Variants in SNRPA1 observed in about 807,000 individuals in gnomAD.
SNRPA1 encodes the protein U2 small nuclear ribonucleoprotein A'.
Under a neutral mutation model 32.3 loss-of-function variants are expected in SNRPA1, and 5 were observed. That is an observed-to-expected ratio of 0.15 (90% CI 0.08 to 0.33). The LOEUF (loss-of-function observed/expected upper bound fraction) is 0.33, where lower values mean the gene tolerates loss of function less well. SNRPA1 is among the 10% of genes least tolerant of loss of function. The pLI is 1.00. For missense variants in SNRPA1, 198 were observed against 311.1 expected (o/e 0.64, Z 2.74); for synonymous variants, 111 against 120.1 (o/e 0.92, Z 0.50).
chr15:101,294,775 G>A (rs569096851), intron 1 of SNRPA1: 16 of 327,114 alleles, frequency 4.9e-5, no homozygotes, highest in East Asian at 9.4e-5. Flanking sequence ...TTAATGAGCC[G>A]CTCTTCCGGG....
At chr15:101,287,877 T>TTATTTAAGAAG in intron 3 of SNRPA1, 175 bp from the exon 4 acceptor site, 1 of 582,718 alleles carries the variant, frequency 1.7e-6, no homozygotes, top group Admixed American at 2.9e-5. Flanking sequence ...TACCGATGAA[T>TTATTTAAGAAG]ACATGGGAGC....
intron 3 of SNRPA1, among the ~76,000 whole-genome samples, chr15:101,289,512 G>C (rs527552798): frequency 1.3e-5 from 2 of 152,300 alleles, no homozygotes; most frequent in Admixed American, 6.5e-5. Flanking sequence ...TGAAGAACGG[G>C]TGGGACAGAC....
At chr15:101,285,196 G>C in intron 7 of SNRPA1, 136 bp from the exon 8 acceptor site, 1 of 602,038 alleles carries the variant, frequency 1.7e-6, no homozygotes, top group Admixed American at 2.9e-5. Flanking sequence ...TGGTGTAGGG[G>C]GAAGAATGTT....
At chr15:101,284,780 G>T in intron 8 of SNRPA1, 187 bp downstream of exon 8, 2 of 487,454 alleles carry the variant, frequency 4.1e-6, no homozygotes, top group East Asian at 8.4e-5. Context: ...GGGATTACAG[G>T]CGTGAGCCAC....
chr15:101,282,707 C>T (rs1051505926), intron 8 of SNRPA1, among the ~76,000 whole-genome samples: 1 of 152,176 alleles, frequency 6.6e-6, no homozygotes, highest in African/African-American at 2.4e-5. Flanking sequence ...AACGTTGAGC[C>T]ATGTAATTAC....
chr15:101,285,706 G>T lies in SNRPA1; in HGVS notation c.615+20C>A, dbSNP rs368810054. 1.1e-4 allele frequency: 171 copies of T among 1,575,802 alleles called. No homozygotes were observed. The highest frequency in any genetic ancestry group is 8.3e-4 in the Middle Eastern group (5 of 5,990). ...CCCATCTTAGCTCATTCCAGTCCAA[G>T]AATCCTAACACATGATTACCTTGAT... is the stretch of plus-strand genomic sequence containing the variant. On this transcript the variant is annotated intron_variant, in intron 7 of 8. Coordinates refer to ENST00000254193, the MANE Select transcript of SNRPA1 (RefSeq NM_003090.4).
At chr15:101,286,852 T>C in intron 5 of SNRPA1, 56 bp downstream of exon 5, 1 of 880,696 alleles carries the variant, frequency 1.1e-6, no homozygotes, top group Non-Finnish European at 1.8e-6. Context: ...GTAACAAAAA[T>C]ATAAAGAAAA....
chr15:101,294,838 G>C, intron 1 of SNRPA1: 1 of 395,730 alleles, frequency 2.5e-6, no homozygotes, highest in Admixed American at 4.5e-5. Context: ...AGGGCCCCAC[G>C]AGGACGCACC....
intron 8 of SNRPA1, 84 bp from the exon 9 acceptor site, chr15:101,281,866 T>C (rs1596468568): frequency 7.8e-7 from 1 of 1,289,598 alleles, no homozygotes; most frequent in African/African-American, 1.5e-5. Flanking sequence ...CTGTGGCCAC[T>C]GTTTGTTACA....
chr15:101,287,738 C>T (rs751099550), intron 3 of SNRPA1, 36 bp from the exon 4 acceptor site: 1 of 1,590,858 alleles, frequency 6.3e-7, no homozygotes, highest in Non-Finnish European at 8.6e-7. Context: ...AACGCGAATA[C>T]CACACGCTAT....
chr15:101,293,078 A>G lies in SNRPA1; in HGVS notation c.177T>C (p.Gly59=). 1 of 1,612,880 alleles carries G rather than the reference A, an allele frequency of 6.2e-7. No individual in the cohort carries two copies. Among genetic ancestry groups the G allele is most frequent in the South Asian group, 1.1e-5 (1 of 90,894 alleles). Residue 59 remains glycine, a synonymous_variant, in exon 2 of 9, where the codon GGT becomes GGC. Transcript: ENST00000254193. ...FSDNEIRKLD[G]FPLLRRLKTL... is the part of the protein sequence containing the mutation. Reference sequence around the variant, plus strand: ...TTTTCAGTCTTCTCAACAAAGGAAAACCATCCAGTTTCCTGATCTCATTGT... The same window carrying G: ...TTTTCAGTCTTCTCAACAAAGGAAAGCCATCCAGTTTCCTGATCTCATTGT...
At chr15:101,286,746 TCTG>T (rs1158231026) in intron 5 of SNRPA1, 159 bp downstream of exon 5, 2 of 561,154 alleles carry the variant, frequency 3.6e-6, no homozygotes, top group African/African-American at 1.9e-5. Flanking sequence ...TATCATAAAC[TCTG>T]CTATTAGAAA....
At chr15:101,285,863 T>C in intron 6 of SNRPA1, 62 bp from the exon 7 acceptor site, 1 of 1,289,576 alleles carries the variant, frequency 7.8e-7, no homozygotes, top group Non-Finnish European at 1.1e-6. Context: ...TCTCTTTTAC[T>C]TTCAAAAGCT....
rs372355052 is a variant in SNRPA1 at position 101,294,630 on chromosome 15, A to G, written c.82+467T>C. On this transcript the variant is annotated intron_variant, in intron 1 of 8. Coordinates refer to ENST00000254193, the MANE Select transcript of SNRPA1 (RefSeq NM_003090.4). Reference sequence around the variant, plus strand: ...CTAAGTAGAAAATACTGGAGGAAACAATCGCGGTTGTTCGGGGACTTAGTT... The same window carrying G: ...CTAAGTAGAAAATACTGGAGGAAACGATCGCGGTTGTTCGGGGACTTAGTT... 7.2e-5 allele frequency among the ~76,000 whole-genome samples: 11 copies of G among 152,328 alleles called. No individual in the cohort carries two copies. In the East Asian group the frequency reaches 2.1e-3, roughly 29 times the overall value.
intron 8 of SNRPA1, among the ~76,000 whole-genome samples, chr15:101,283,198 G>C (rs1010986144): frequency 8.5e-5 from 13 of 152,102 alleles, no homozygotes; most frequent in Non-Finnish European, 1.5e-4. Flanking sequence ...ACCCACTATT[G>C]CTCCATCAGT....
Position 101,286,998 on chromosome 15 carries a change from A to G in SNRPA1, c.369T>C (p.Asn123=), listed in dbSNP as rs746659726. 1.0e-5 allele frequency: 16 copies of G among 1,588,086 alleles called. No homozygotes were observed. The highest frequency in any genetic ancestry group is 8.6e-6 in the Non-Finnish European group (10 of 1,157,522). Residue 123 remains asparagine, a synonymous_variant, in exon 5 of 9, where the codon AAT becomes AAC. Transcript: ENST00000254193. ...TGTAATGCTTCTTATTGGTTACCGG[A>G]TTTCTTAGGATACTACAAGAAAAGG... The part of the protein sequence containing the change: ...KSLTYLSILR[N]PVTNKKHYRL...
intron 8 of SNRPA1, among the ~76,000 whole-genome samples, chr15:101,282,081 C>T (rs2039401655): frequency 3.3e-5 from 5 of 152,242 alleles, no homozygotes; most frequent in African/African-American, 1.2e-4. Context: ...TACTCATGTG[C>T]TTTTCATGGC....
At chr15:101,289,499 G>A (rs936396598) in intron 3 of SNRPA1, among the ~76,000 whole-genome samples, 2 of 152,196 alleles carry the variant, frequency 1.3e-5, no homozygotes, top group African/African-American at 4.8e-5. Flanking sequence ...AGAGAAAACG[G>A]ATTGAAGAAC....
chr15:101,295,185 G>C lies in SNRPA1; in HGVS notation c.-7C>G. ...CCGCCGTCAGCTTGACCATCCTGCA[G>C]CCTCCCGTTCCCCCGCGCTGTGGAA... is the stretch of plus-strand genomic sequence containing the variant. On this transcript the variant is annotated 5_prime_UTR_variant, in exon 1 of 9. Transcript: ENST00000254193. 1 of 1,541,454 alleles carries C rather than the reference G, an allele frequency of 6.5e-7. No individual in the cohort carries two copies. Among genetic ancestry groups the C allele is most frequent in the Non-Finnish European group, 8.7e-7 (1 of 1,147,830 alleles).
Sources: allele counts gnomAD v4.1 joint callset (sites outside exome capture counted in the v4.1 genomes callset), GRCh38; gene constraint gnomAD v4.1.1; transcripts MANE v1.5; gene names NCBI Gene and HGNC (gene_info 2026-07-23, HGNC 2026-07-21).